The following GABRG1 variants were observed in gnomAD, a reference collection of about 807,000 sequenced individuals.
GABRG1 encodes gamma-aminobutyric acid receptor subunit gamma-1.
GABRG1 carries 49 observed loss-of-function variants against 49.8 expected under a neutral mutation model. That is an observed-to-expected ratio of 0.98 (90% CI 0.78 to 1.25). The LOEUF (loss-of-function observed/expected upper bound fraction) is 1.25, where lower values mean the gene tolerates loss of function less well. Among genes scored for constraint, GABRG1 ranks in the 50% most tolerant of loss-of-function variants. The pLI is 0.00. For synonymous variants in GABRG1, 232 were observed against 185.1 expected (o/e 1.25, Z -2.06); for missense variants, 552 against 552.3 (o/e 1.00, Z 0.01).
At chr4:46,089,993 T>C (rs966351154) in intron 2 of GABRG1, among the ~76,000 whole-genome samples, 4 of 151,894 alleles carry the variant, frequency 2.6e-5, no homozygotes, top group African/African-American at 7.3e-5. Flanking sequence ...AAAATAATAT[T>C]TATCATAAAG....
At chr4:46,064,898 T>A (rs1718848331) in intron 4 of GABRG1, among the ~76,000 whole-genome samples, 1 of 152,148 alleles carries the variant, frequency 6.6e-6, no homozygotes, top group Non-Finnish European at 1.5e-5. Flanking sequence ...GAATATCTTT[T>A]CCATGAAGGA....
At chr4:46,047,339 T>C (rs558705032) in intron 8 of GABRG1, among the ~76,000 whole-genome samples, 1 of 152,236 alleles carries the variant, frequency 6.6e-6, no homozygotes, top group Non-Finnish European at 1.5e-5. Flanking sequence ...TAATTTGTTA[T>C]CTTGAAAACT....
At chr4:46,094,831 C>A (rs535673229) in intron 2 of GABRG1, among the ~76,000 whole-genome samples, 1 of 151,734 alleles carries the variant, frequency 6.6e-6, no homozygotes, top group African/African-American at 2.4e-5. Context: ...TTGTAGAACA[C>A]CCAGAAACCA....
chr4:46,098,857 TG>T (rs1429554598), intron 1 of GABRG1, among the ~76,000 whole-genome samples: 3 of 151,668 alleles, frequency 2.0e-5, no homozygotes, highest in Non-Finnish European at 2.9e-5. Flanking sequence ...GTTGGGGGGT[TG>T]GGGCACTTAA....
intron 1 of GABRG1, among the ~76,000 whole-genome samples, chr4:46,121,671 A>G (rs759435986): frequency 1.3e-4 from 18 of 141,738 alleles, no homozygotes; most frequent in Non-Finnish European, 2.4e-4. Flanking sequence ...TTTTATTGCT[A>G]GCTTTCTACC....
At chr4:46,109,240 A>G (rs1267973787) in intron 1 of GABRG1, among the ~76,000 whole-genome samples, 2 of 150,940 alleles carry the variant, frequency 1.3e-5, no homozygotes, top group African/African-American at 2.4e-5. Flanking sequence ...TTACTGATTC[A>G]ATCTTGGAAG....
chr4:46,115,493 A>G (rs1416110200), intron 1 of GABRG1, among the ~76,000 whole-genome samples: 2 of 150,732 alleles, frequency 1.3e-5, no homozygotes, highest in East Asian at 3.9e-4. Context: ...AATTGAAAAT[A>G]TTTTCAAAAA....
rs557330956 is a variant in GABRG1 at position 46,047,958 on chromosome 4, A to G, written c.1131+3466T>C. Reference sequence around the variant, plus strand: ...TGGATAAATAAATTTCTATAATTTCACATCTTAATAAAATCAGGAAACTAA... The same window carrying G: ...TGGATAAATAAATTTCTATAATTTCGCATCTTAATAAAATCAGGAAACTAA... On this transcript the variant is annotated intron_variant, in intron 8 of 8. Transcript: ENST00000295452. 2.0e-5 allele frequency among the ~76,000 whole-genome samples: 3 copies of G among 152,152 alleles called. No individual in the cohort carries two copies. The South Asian group carries it at 6.2e-4, about 31-fold the overall frequency.
chr4:46,123,266 C>T (rs972798903), intron 1 of GABRG1, among the ~76,000 whole-genome samples: 3 of 151,868 alleles, frequency 2.0e-5, no homozygotes, highest in Non-Finnish European at 4.4e-5. Flanking sequence ...GGATACTATA[C>T]ATTTTTAATG....
At chr4:46,070,968 G>C (rs908939163) in intron 3 of GABRG1, among the ~76,000 whole-genome samples, 1 of 152,054 alleles carries the variant, frequency 6.6e-6, no homozygotes, top group Admixed American at 6.6e-5. Context: ...GCCAAATACA[G>C]TCATGCACTG....
At chr4:46,058,148 G>T in intron 7 of GABRG1, 69 bp downstream of exon 7, 2 of 1,423,334 alleles carry the variant, frequency 1.4e-6, no homozygotes, top group Non-Finnish European at 1.9e-6. Context: ...ATGTGACTAT[G>T]AACTTTTATC....
intron 3 of GABRG1, among the ~76,000 whole-genome samples, chr4:46,075,423 T>G (rs1394297429): frequency 6.6e-6 from 1 of 152,006 alleles, no homozygotes; most frequent in African/African-American, 2.4e-5. Flanking sequence ...TTTGAACTCC[T>G]GAGCTCAGGT....
Position 46,097,335 on chromosome 4 carries a change from T to A in GABRG1, c.119A>T (p.Asp40Val). 6.2e-7 allele frequency: 1 copy of A among 1,608,518 alleles called. No individual in the cohort carries two copies. The highest frequency in any genetic ancestry group is 8.5e-7 in the Non-Finnish European group (1 of 1,177,110). The change falls in exon 2 of 9, where the codon GAT becomes GTT. Residue 40 changes from aspartate to valine, a missense_variant. Asp to Val is a radical substitution (Grantham distance 152, BLOSUM62 -3). Coordinates refer to ENST00000295452, the MANE Select transcript of GABRG1 (RefSeq NM_173536.4). The part of the protein sequence containing the change: ...LHLGNCVDKA[D>V]DEDDEDLTVN... ...CGTTAAATCCTCATCATCTTCATCA[T>A]CTGCCTTATCAACACTAAATAATTC...
chr4:46,049,119 CAA>C (rs933949604), intron 8 of GABRG1, among the ~76,000 whole-genome samples: 6 of 151,524 alleles, frequency 4.0e-5, no homozygotes, highest in African/African-American at 1.5e-4. Context: ...GAAGGAAAGA[CAA>C]AGAGGAAAGG....
rs561713147 is a variant in GABRG1 at position 46,064,034 on chromosome 4, C to A, written c.625+407G>T. Among the ~76,000 whole-genome samples the A allele has an allele frequency of 4.6e-5, 7 of 152,144 alleles. No individual in the cohort carries two copies. The South Asian group carries it at 1.5e-3, about 32-fold the overall frequency. The stretch of plus-strand genomic sequence containing the variant: ...CGTATGGTAAATACTATTTGCCTAA[C>A]CAATTTTTGAAACACATTTCAAAAT... On this transcript the variant is annotated intron_variant, in intron 5 of 8. Coordinates refer to ENST00000295452, the MANE Select transcript of GABRG1 (RefSeq NM_173536.4).
At chr4:46,088,589 T>C (rs1016098563) in intron 2 of GABRG1, among the ~76,000 whole-genome samples, 1 of 151,992 alleles carries the variant, frequency 6.6e-6, no homozygotes, top group Non-Finnish European at 1.5e-5. Context: ...AGTCATTCTG[T>C]GTATAAATGC....
At chr4:46,109,073 A>G (rs1044485013) in intron 1 of GABRG1, among the ~76,000 whole-genome samples, 1 of 150,978 alleles carries the variant, frequency 6.6e-6, no homozygotes, top group African/African-American at 2.4e-5. Context: ...AAGTTTTTAG[A>G]ATACTTTCAG....
intron 1 of GABRG1, among the ~76,000 whole-genome samples, chr4:46,113,723 G>A (rs1223610237): frequency 1.3e-5 from 2 of 151,050 alleles, no homozygotes; most frequent in Admixed American, 6.6e-5. Flanking sequence ...ATGGTAGAAG[G>A]TGTTTTATCT....
chr4:46,103,202 A>G (rs553385600), intron 1 of GABRG1, among the ~76,000 whole-genome samples: 31 of 151,750 alleles, frequency 2.0e-4, no homozygotes, highest in South Asian at 4.1e-4. Context: ...TGCCTGAGGA[A>G]TGTGAGTAAA....
Sources: allele counts gnomAD v4.1 joint callset (sites outside exome capture counted in the v4.1 genomes callset), GRCh38; gene constraint gnomAD v4.1.1; transcripts MANE v1.5; gene names NCBI Gene and HGNC (gene_info 2026-07-23, HGNC 2026-07-21).